Variants in G3BP2 observed in about 807,000 individuals in gnomAD.
G3BP2 encodes G3BP stress granule assembly factor 2.
G3BP2 carries 11 observed loss-of-function variants against 56.7 expected under a neutral mutation model. The ratio of observed to expected loss-of-function variants is 0.19; its 90% confidence interval spans 0.12 to 0.32. G3BP2 has a LOEUF of 0.32. Among genes scored for constraint, G3BP2 ranks in the 10% least tolerant of loss-of-function variants. The pLI is 1.00. For missense variants in G3BP2, 340 were observed against 610.9 expected, an observed-to-expected ratio of 0.56 and a Z score of 4.67; for synonymous variants, 165 against 191.6, an observed-to-expected ratio of 0.86 and a Z score of 1.15.
Position 75,697,042 on chromosome 4 carries a change from C to T in G3BP2, c.-25+23835G>A, listed in dbSNP as rs909635447. Among the ~76,000 whole-genome samples the T allele has an allele frequency of 2.0e-5, 3 of 151,686 alleles. No individual in the cohort carries two copies. The East Asian group carries it at 5.8e-4, about 29-fold the overall frequency. ...CTATAATCCCAGCACTTTGGGAGGC[C>T]AAGGCAGGCGGATCACAAGGTCAGG... On this transcript the variant is annotated intron_variant, in intron 3 of 3. Transcript: ENST00000499709.
chr4:75,648,346 C>CAAA (rs755058695), intron 9 of G3BP2, among the ~76,000 whole-genome samples: 2 of 94,530 alleles, frequency 2.1e-5, no homozygotes, highest in African/African-American at 3.3e-5. Flanking sequence ...GACTCCGTCT[C>CAAA]AAAAAAAAAA....
chr4:75,711,469 T>G (rs919710261), intron 3 of G3BP2, among the ~76,000 whole-genome samples: 2 of 151,852 alleles, frequency 1.3e-5, no homozygotes, highest in Non-Finnish European at 2.9e-5. Context: ...TCCCAGCACT[T>G]TGGGAGGCCA....
chr4:75,709,369 G>A (rs561148606), intron 3 of G3BP2, among the ~76,000 whole-genome samples: 1 of 125,196 alleles, frequency 8.0e-6, no homozygotes, highest in South Asian at 2.8e-4. Flanking sequence ...GCAGTGAGCT[G>A]AGATTGCACC....
intron 3 of G3BP2, among the ~76,000 whole-genome samples, chr4:75,701,250 C>T (rs936128629): frequency 3.9e-5 from 6 of 152,102 alleles, no homozygotes; most frequent in African/African-American, 9.7e-5. Context: ...ATCTGGACTC[C>T]ACAAATAATA....
intron 3 of G3BP2, among the ~76,000 whole-genome samples, chr4:75,705,028 T>G (rs1719492506): frequency 6.6e-6 from 1 of 152,242 alleles, no homozygotes; most frequent in Non-Finnish European, 1.5e-5. Flanking sequence ...ATATGCTTTC[T>G]TAAAACATTG....
chr4:75,647,805 T>A (rs1231207171), intron 9 of G3BP2, among the ~76,000 whole-genome samples: 1 of 152,210 alleles, frequency 6.6e-6, no homozygotes, highest in East Asian at 1.9e-4. Flanking sequence ...TGGTAACATA[T>A]CACTTTAAAA....
chr4:75,665,275 A>G (rs949903154), intron 1 of G3BP2, among the ~76,000 whole-genome samples: 2 of 152,228 alleles, frequency 1.3e-5, no homozygotes, highest in Admixed American at 1.3e-4. Flanking sequence ...TTGATTTACA[A>G]AAATCCCCAA....
rs71695077 is a variant in G3BP2 at position 75,643,479 on chromosome 4, G to GAA, written c.*1949_*1950dup. 35 of 138,236 alleles carry GAA rather than the reference G, an allele frequency of 2.5e-4. No homozygotes were observed. Among genetic ancestry groups the GAA allele is most frequent in the South Asian group, 1.5e-3 (7 of 4,526 alleles). 8.6% of individuals were successfully genotyped at this position (138,236 alleles called of 1,614,324 possible). Reference sequence around the variant, plus strand: ...AGAAAGTATAAAACTGTTTCAAACAGAAAAAAAAAAAATCCTTAAGCCCCC... The same window carrying GAA: ...AGAAAGTATAAAACTGTTTCAAACAGAAAAAAAAAAAAAATCCTTAAGCCCCC... On this transcript the variant is annotated 3_prime_UTR_variant, in exon 12 of 12. Transcript: ENST00000359707.
chr4:75,670,458 A>G (rs1002414480), intron 1 of G3BP2: 1 of 152,240 alleles, frequency 6.6e-6, no homozygotes, highest in Non-Finnish European at 1.5e-5. Flanking sequence ...AATAAATAAT[A>G]AAAGTAAGTT....
At position 75,643,268 on chromosome 4, in the gene G3BP2, T is replaced by C. The variant is rs1429234694; in HGVS notation, c.*2162A>G. ...TTGGTGCCAGAACAGTTTTCATGGA[T>C]GGCAGGGCAATATCCTGAATTGGAA... On this transcript the variant is annotated 3_prime_UTR_variant, in exon 12 of 12. Transcript: ENST00000359707. 7 of 144,716 alleles carry C rather than the reference T, an allele frequency of 4.8e-5. No individual in the cohort carries two copies. The allele number at this position is 144,716 out of a possible 1,614,324, so 9.0% of individuals were successfully genotyped here.
chr4:75,658,502 G>A (rs59012219), intron 3 of G3BP2, among the ~76,000 whole-genome samples: 35,005 of 151,142 alleles, frequency 0.23, 4,304 homozygotes, highest in Middle Eastern at 0.37. Context: ...AGGCTGAGGC[G>A]GGCAGATCAC....
intron 2 of G3BP2, among the ~76,000 whole-genome samples, chr4:75,661,311 A>C (rs1236329181): frequency 6.6e-6 from 1 of 152,086 alleles, no homozygotes; most frequent in Non-Finnish European, 1.5e-5. Context: ...TATTTTTAGC[A>C]GAGACGAGGC....
Position 75,660,272 on chromosome 4 carries a change from C to T in G3BP2, c.96-1348G>A, listed in dbSNP as rs149458524. ...TTAATTATTTATCTTCCCCCAAACT[C>T]CCTCACATACATTGTCATAAAAAAA... is the stretch of plus-strand genomic sequence containing the variant. On this transcript the variant is annotated intron_variant, in intron 2 of 11. Transcript: ENST00000359707. 2.1e-3 allele frequency among the ~76,000 whole-genome samples: 315 copies of T among 152,224 alleles called. 1 individual carries two copies. The highest frequency in any genetic ancestry group is 7.4e-3 in the African/African-American group (308 of 41,552).
At chr4:75,663,776 T>C (rs1732759915) in intron 1 of G3BP2, among the ~76,000 whole-genome samples, 1 of 77,544 alleles carries the variant, frequency 1.3e-5, no homozygotes, top group Non-Finnish European at 2.7e-5. Flanking sequence ...AGAGAATTGC[T>C]TGAACCCGGG....
At chr4:75,647,794 T>C (rs947994746) in intron 9 of G3BP2, among the ~76,000 whole-genome samples, 2 of 152,226 alleles carry the variant, frequency 1.3e-5, no homozygotes, top group African/African-American at 4.8e-5. Flanking sequence ...GACTTCTAGT[T>C]TGGTAACATA....
chr4:75,673,427 C>T (rs115093938), upstream of G3BP2: 2,723 of 1,232,252 alleles, frequency 2.2e-3, 54 homozygotes, highest in African/African-American at 0.038. Flanking sequence ...CCCCCTTTGC[C>T]ACCGCCCCCT....
intron 1 of G3BP2, among the ~76,000 whole-genome samples, chr4:75,669,833 C>T (rs1733343217): frequency 6.6e-6 from 1 of 152,214 alleles, no homozygotes; most frequent in Non-Finnish European, 1.5e-5. Flanking sequence ...TGGCTCACGC[C>T]TGTAATTCTA....
chr4:75,681,299 G>T (rs1195467096), intron 3 of G3BP2, among the ~76,000 whole-genome samples: 1 of 151,406 alleles, frequency 6.6e-6, no homozygotes, highest in Non-Finnish European at 1.5e-5. Flanking sequence ...ACTCCAGCCT[G>T]GGCGAAAGAG....
chr4:75,710,872 C>T (rs1037964863), intron 3 of G3BP2, among the ~76,000 whole-genome samples: 1 of 151,926 alleles, frequency 6.6e-6, no homozygotes, highest in Non-Finnish European at 1.5e-5. Flanking sequence ...CTATGTTGCC[C>T]AGGCTGGTCT....
Sources: gnomAD v4.1 joint callset for allele counts (sites outside exome capture counted in the v4.1 genomes callset) on GRCh38, gnomAD v4.1.1 for gene constraint, MANE v1.5 for transcripts, NCBI Gene and HGNC (gene_info 2026-07-23, HGNC 2026-07-21) for gene names.